The following ACTR3C variants were observed in gnomAD, a reference collection of about 807,000 sequenced individuals.
The protein encoded by ACTR3C is actin-related protein 3C.
ACTR3C carries 18 observed loss-of-function variants against 26.3 expected under a neutral mutation model. The observed-to-expected ratio is 0.68, with a 90% CI of 0.47 to 1.01. ACTR3C has a LOEUF of 1.01. Among genes scored for constraint, ACTR3C ranks in the 50% least tolerant of loss-of-function variants. ACTR3C has a pLI of 0.00. For missense variants in ACTR3C, 184 were observed against 250.7 expected, an observed-to-expected ratio of 0.73 and a Z score of 1.80; for synonymous variants, 55 against 94.5, an observed-to-expected ratio of 0.58 and a Z score of 2.42.
At chr7:150,002,363 G>T in the ACTR3C span, 1 of 148,648 alleles carries the variant, frequency 6.7e-6, no homozygotes, top group African/African-American at 2.4e-5. Flanking sequence ...AGCTCTCTCT[G>T]CGCCGAACCA....
chr7:149,957,958 T>C, the ACTR3C span, among the ~76,000 whole-genome samples: 1 of 152,102 alleles, frequency 6.6e-6, no homozygotes, highest in South Asian at 2.1e-4. Context: ...TATTTAGGGT[T>C]TGGGTGTTTC....
At chr7:150,047,520 C>G in the ACTR3C span, 941 of 660,184 alleles carry the variant, frequency 1.4e-3, 54 homozygotes, top group East Asian at 0.11. Flanking sequence ...CCTGATTCCC[C>G]CCCCCACAGA....
At chr7:149,932,726 G>T in the ACTR3C span, among the ~76,000 whole-genome samples, 1 of 151,032 alleles carries the variant, frequency 6.6e-6, no homozygotes, top group Non-Finnish European at 1.5e-5. Flanking sequence ...GTGGAGGGGA[G>T]GGGAGGGAAG....
chr7:150,076,209 A>G, the ACTR3C span, among the ~76,000 whole-genome samples: 1 of 149,964 alleles, frequency 6.7e-6, no homozygotes, highest in African/African-American at 2.4e-5. Flanking sequence ...GAGTATTGAC[A>G]TAACAGGAAA....
At chr7:150,035,135 T>C in the ACTR3C span, among the ~76,000 whole-genome samples, 108 of 122,484 alleles carry the variant, frequency 8.8e-4, 4 homozygotes, top group African/African-American at 1.5e-3. Flanking sequence ...CCTAAGGATC[T>C]TAGGATCAAC....
intron 6 of ACTR3C, among the ~76,000 whole-genome samples, chr7:150,279,601 G>A (rs1191274764): frequency 2.0e-5 from 3 of 151,728 alleles, no homozygotes; most frequent in Non-Finnish European, 2.9e-5. Context: ...CCCCACCACC[G>A]TAGGCTCTGG....
chr7:149,901,949 C>CT, the ACTR3C span, among the ~76,000 whole-genome samples: 1 of 109,880 alleles, frequency 9.1e-6, no homozygotes, highest in African/African-American at 3.3e-5. Flanking sequence ...AAGAACAATT[C>CT]TTTTTTCCAA....
At chr7:150,168,630 T>G in the ACTR3C span, among the ~76,000 whole-genome samples, 1 of 150,860 alleles carries the variant, frequency 6.6e-6, no homozygotes, top group Non-Finnish European at 1.5e-5. Flanking sequence ...AACAATTATC[T>G]TCAATAAAAC....
the ACTR3C span, among the ~76,000 whole-genome samples, chr7:150,055,465 A>C: frequency 6.6e-6 from 1 of 151,934 alleles, no homozygotes; most frequent in Non-Finnish European, 1.5e-5. Flanking sequence ...GAATAAAAAA[A>C]AGAAACCATT....
At chr7:150,254,156 G>T (rs1487448092) in intron 6 of ACTR3C, among the ~76,000 whole-genome samples, 1 of 152,186 alleles carries the variant, frequency 6.6e-6, no homozygotes, top group Non-Finnish European at 1.5e-5. Flanking sequence ...GAGTGCTAGA[G>T]AGAGAGAAAT....
chr7:150,240,884 T>C (rs1832141297), downstream of ACTR3C, among the ~76,000 whole-genome samples: 1 of 152,140 alleles, frequency 6.6e-6, no homozygotes, highest in Admixed American at 6.5e-5. Flanking sequence ...TACACAAAAA[T>C]CAATTTTTAT....
intron 2 of ACTR3C, among the ~76,000 whole-genome samples, chr7:150,294,714 C>T (rs1044386313): frequency 6.6e-6 from 1 of 152,046 alleles, no homozygotes; most frequent in Non-Finnish European, 1.5e-5. Context: ...ATTTGGGCAA[C>T]ACCCATCTCA....
At chr7:150,137,404 G>A in the ACTR3C span, among the ~76,000 whole-genome samples, 23 of 152,336 alleles carry the variant, frequency 1.5e-4, no homozygotes, top group African/African-American at 4.8e-4. Context: ...TGCCTGGCAC[G>A]TGGCAGGTGC....
At chr7:149,987,198 A>AG in the ACTR3C span, among the ~76,000 whole-genome samples, 4,214 of 150,708 alleles carry the variant, frequency 0.028, 188 homozygotes, top group African/African-American at 0.097. Context: ...CCAGAGGAAA[A>AG]AAAAATGCAC....
chr7:150,196,154 CAATTAATTCT>C, the ACTR3C span, among the ~76,000 whole-genome samples: 1 of 152,136 alleles, frequency 6.6e-6, no homozygotes, highest in African/African-American at 2.4e-5. Context: ...AATTTTGGAC[CAATTAATTCT>C]AATTAATTCT....
At chr7:150,037,794 C>A in the ACTR3C span, among the ~76,000 whole-genome samples, 333 of 37,048 alleles carry the variant, frequency 9.0e-3, 6 homozygotes, top group South Asian at 0.031. Context: ...TGGGGGTCCC[C>A]AGAGCCAGCG....
chr7:150,157,851 C>A, the ACTR3C span, among the ~76,000 whole-genome samples: 1 of 151,850 alleles, frequency 6.6e-6, no homozygotes, highest in South Asian at 2.1e-4. Context: ...CTAGGCACAG[C>A]GCTGGGTCAT....
At chr7:150,046,356 C>CT in the ACTR3C span, among the ~76,000 whole-genome samples, 3 of 80,306 alleles carry the variant, frequency 3.7e-5, 1 homozygote, top group African/African-American at 1.1e-4. Context: ...CGCCCCCCCC[C>CT]CCCCGACCCA....
chr7:150,031,917 GCTGTATTGTTTTCA>G, the ACTR3C span, among the ~76,000 whole-genome samples: 1 of 152,210 alleles, frequency 6.6e-6, no homozygotes, highest in South Asian at 2.1e-4. Context: ...GGGCACTCAG[GCTGTATTGTTTTCA>G]CCCTGTATGG....
Sources: gnomAD v4.1 joint callset for allele counts (sites outside exome capture counted in the v4.1 genomes callset) on GRCh38, gnomAD v4.1.1 for gene constraint, MANE v1.5 for transcripts, NCBI Gene and HGNC (gene_info 2026-07-23, HGNC 2026-07-21) for gene names.